SLC9A4: variants seen among roughly 807,000 people sequenced by gnomAD.
SLC9A4 encodes the protein solute carrier family 9 member A4, also known as sodium/hydrogen exchanger 4.
A neutral mutation model predicts 67.4 loss-of-function variants in SLC9A4; 63 were observed. That is an observed-to-expected ratio of 0.93 (90% CI 0.76 to 1.15). The LOEUF is 1.15. Among genes scored for constraint, SLC9A4 ranks in the 50% most tolerant of loss-of-function variants. The pLI, the probability that SLC9A4 is intolerant of heterozygous loss-of-function variation, is 0.00. For synonymous variants in SLC9A4, 393 were observed against 367.2 expected, an observed-to-expected ratio of 1.07 and a Z score of -0.80; for missense variants, 1,089 against 987.7, an observed-to-expected ratio of 1.10 and a Z score of -1.38.
At chr2:102,482,646 T>A (rs150586033) in intron 2 of SLC9A4, among the ~76,000 whole-genome samples, 28 of 152,228 alleles carry the variant, frequency 1.8e-4, no homozygotes, top group African/African-American at 6.5e-4. Flanking sequence ...CAGATCCAAG[T>A]TTTTTGGAGG....
At position 102,496,242 on chromosome 2, in the gene SLC9A4, TATACTC is replaced by T. The variant is rs777903606; in HGVS notation, c.721-7203_721-7198del. Among the ~76,000 whole-genome samples, 231 of 152,332 alleles carry T rather than the reference TATACTC, an allele frequency of 1.5e-3. 1 individual carries two copies. Among genetic ancestry groups the T allele is most frequent in the Non-Finnish European group, 2.8e-3 (190 of 68,026 alleles). ...TGAACAGATACACCATAAAAGATGA[TATACTC>T]ATGGTCAGTAAGCACATGAAAATAT... is the stretch of plus-strand genomic sequence containing the variant. On this transcript the variant is annotated intron_variant, in intron 2 of 11. Transcript: ENST00000295269.
At chr2:102,496,057 G>C (rs888973127) in intron 2 of SLC9A4, among the ~76,000 whole-genome samples, 2 of 151,964 alleles carry the variant, frequency 1.3e-5, no homozygotes, top group Non-Finnish European at 2.9e-5. Context: ...GAAAAAAAAT[G>C]CTCTTCAAAA....
At chr2:102,500,297 G>A (rs1179930338) in intron 2 of SLC9A4, among the ~76,000 whole-genome samples, 1 of 152,076 alleles carries the variant, frequency 6.6e-6, no homozygotes. Context: ...GGCAAGGAAG[G>A]GCCCTCCCCT....
At chr2:102,501,860 C>T (rs1232261244) in intron 2 of SLC9A4, among the ~76,000 whole-genome samples, 2 of 151,478 alleles carry the variant, frequency 1.3e-5, no homozygotes, top group African/African-American at 4.9e-5. Context: ...TTGGAGAGAT[C>T]AGAGTCAAGC....
chr2:102,492,428 A>G lies in SLC9A4; in HGVS notation c.721-11020A>G, dbSNP rs143067865. Among the ~76,000 whole-genome samples the G allele has an allele frequency of 3.4e-3, 523 of 152,372 alleles. 6 individuals are homozygous for G. Among genetic ancestry groups the G allele is most frequent in the African/African-American group, 0.011 (477 of 41,598 alleles). Reference sequence around the variant, plus strand: ...TCTAGGCAGAGGTTCCCAAACCTCAATTCTTGACTTCTGTGCACCCACAGG... The same window carrying G: ...TCTAGGCAGAGGTTCCCAAACCTCAGTTCTTGACTTCTGTGCACCCACAGG... On this transcript the variant is annotated intron_variant, in intron 2 of 11. Transcript: ENST00000295269.
chr2:102,522,704 TTG>T (rs1394276363), intron 9 of SLC9A4, among the ~76,000 whole-genome samples: 1 of 152,244 alleles, frequency 6.6e-6, no homozygotes, highest in East Asian at 1.9e-4. Flanking sequence ...TTCTTAATTC[TTG>T]TGTTATTTTT....
At chr2:102,521,269 C>A (rs1017091700) in intron 9 of SLC9A4, among the ~76,000 whole-genome samples, 2 of 152,178 alleles carry the variant, frequency 1.3e-5, no homozygotes, top group Admixed American at 6.5e-5. Context: ...AACTGCTCAT[C>A]CTTTCTTTTC....
In SLC9A4 at chr2:102,478,735, C is replaced by A. The variant is rs370884962; in HGVS notation, c.257-104C>A. ...CAGATGGGACGCTGAGGCTGAGATG[C>A]CAGTCAGCTTGTCCACGGTCCTGTC... On this transcript the variant is annotated intron_variant, in intron 1 of 11. Transcript: ENST00000295269. 9 of 1,121,808 alleles carry A rather than the reference C, an allele frequency of 8.0e-6. No homozygotes were observed. In the Middle Eastern group the frequency reaches 1.2e-3, roughly 146 times the overall value. 69.5% of individuals were successfully genotyped at this position (1,121,808 alleles called of 1,614,324 possible).
chr2:102,497,291 A>C (rs563598554), intron 2 of SLC9A4, among the ~76,000 whole-genome samples: 1 of 152,354 alleles, frequency 6.6e-6, no homozygotes, highest in South Asian at 2.1e-4. Context: ...CGTGTCTACC[A>C]TACTACCTAG....
chr2:102,530,207 T>G (rs943306781), intron 11 of SLC9A4, among the ~76,000 whole-genome samples: 4 of 152,168 alleles, frequency 2.6e-5, no homozygotes, highest in Non-Finnish European at 5.9e-5. Context: ...TCATCCTCTG[T>G]GTGTTGGGGC....
Position 102,505,354 on chromosome 2 carries a change from G to C in SLC9A4, c.1081G>C (p.Val361Leu), listed in dbSNP as rs561478238. ...IKYFMKMLSSVSETLIFIFMG... is the reference protein window; with the variant it reads ...IKYFMKMLSSLSETLIFIFMG... The stretch of plus-strand genomic sequence containing the variant: ...GTACTTCATGAAGATGCTGAGCAGC[G>C]TCAGCGAGACCTTGATCTTCATCTT... Residue 361 changes from valine to leucine, a missense_variant, in exon 4 of 12, where the codon GTC becomes CTC. Physicochemically the swap from Val to Leu is conservative, Grantham distance 32. Transcript: ENST00000295269. The C allele has an allele frequency of 2.8e-5, 46 of 1,614,088 alleles. No homozygotes were observed. The highest frequency in any genetic ancestry group is 3.9e-5 in the Non-Finnish European group (46 of 1,180,042).
intron 9 of SLC9A4, among the ~76,000 whole-genome samples, chr2:102,521,530 T>A (rs1051775306): frequency 6.6e-6 from 1 of 152,150 alleles, no homozygotes; most frequent in Non-Finnish European, 1.5e-5. Context: ...TTGACTCTGC[T>A]TTGCTTACTC....
At chr2:102,495,546 A>T (rs536819186) in intron 2 of SLC9A4, among the ~76,000 whole-genome samples, 1 of 152,280 alleles carries the variant, frequency 6.6e-6, no homozygotes, top group Admixed American at 6.5e-5. Context: ...AATGACCTAG[A>T]TTACATGAAG....
In SLC9A4 at chr2:102,519,844, C is replaced by T. The variant is rs746506693; in HGVS notation, c.1722-15C>T. 2 of 1,612,090 alleles carry T rather than the reference C, an allele frequency of 1.2e-6. No individual in the cohort carries two copies. The highest frequency in any genetic ancestry group is 1.3e-5 in the African/African-American group (1 of 74,958). ...GAAAGAATAATGTTTGTCTCTTCTC[C>T]AATAATGATTCCAGGGCCCAGAGGA... On this transcript the variant is annotated splice_polypyrimidine_tract_variant and intron_variant, in intron 8 of 11. Transcript: ENST00000295269.
At chr2:102,474,164 T>C in intron 1 of SLC9A4, 149 bp downstream of exon 1, 1 of 948,538 alleles carries the variant, frequency 1.1e-6, no homozygotes, top group Non-Finnish European at 1.5e-6. Flanking sequence ...GGGAAAGTCA[T>C]AACTGCATTT....
In SLC9A4 at chr2:102,503,486, T is replaced by C. The variant is rs1684985856; in HGVS notation, c.759T>C (p.His253=). Reference sequence around the variant, plus strand: ...TGTTAATTGCCTTTACAAAGATGCATAAATTTGAAGACATAGAAACTGTCG... The same window carrying C: ...TGTTAATTGCCTTTACAAAGATGCACAAATTTGAAGACATAGAAACTGTCG... The part of the protein sequence containing the change: ...YNMLIAFTKM[H]KFEDIETVDI... The change falls in exon 3 of 12, where the codon CAT becomes CAC. Residue 253 remains histidine, a synonymous_variant. Transcript: ENST00000295269. 4 of 1,613,172 alleles carry C rather than the reference T, an allele frequency of 2.5e-6. No individual in the cohort carries two copies. Among genetic ancestry groups the C allele is most frequent in the Non-Finnish European group, 3.4e-6 (4 of 1,179,292 alleles).
rs369337029 is a variant in SLC9A4 at position 102,478,934 on chromosome 2, G to A, written c.352G>A (p.Asp118Asn). ...ALVGGIIFGT[D>N]HKSPPVMDSS... ...GGTGGGCGGCATCATCTTCGGCACC[G>A]ACCACAAATCGCCTCCGGTCATGGA... is the stretch of plus-strand genomic sequence containing the variant. Residue 118 changes from aspartate to asparagine, a missense_variant, in exon 2 of 12, where the codon GAC becomes AAC. Coordinates refer to ENST00000295269, the MANE Select transcript of SLC9A4 (RefSeq NM_001011552.4). The A allele has an allele frequency of 1.2e-6, 2 of 1,613,948 alleles. No homozygotes were observed. Among genetic ancestry groups the A allele is most frequent in the Non-Finnish European group, 8.5e-7 (1 of 1,179,972 alleles).
At chr2:102,483,799 CATAT>C (rs61195337) in intron 2 of SLC9A4, among the ~76,000 whole-genome samples, 5,851 of 113,626 alleles carry the variant, frequency 0.051, 166 homozygotes, top group Admixed American at 0.07. Context: ...CCATGTACAG[CATAT>C]ATATATATAT....
intron 9 of SLC9A4, among the ~76,000 whole-genome samples, chr2:102,521,163 C>T (rs1685409087): frequency 6.6e-6 from 1 of 152,194 alleles, no homozygotes; most frequent in South Asian, 2.1e-4. Flanking sequence ...ACCTGGTACT[C>T]AGCCTTTTCC....
Sources: gnomAD v4.1 joint callset for allele counts (sites outside exome capture counted in the v4.1 genomes callset) on GRCh38, gnomAD v4.1.1 for gene constraint, MANE v1.5 for transcripts, NCBI Gene and HGNC (gene_info 2026-07-23, HGNC 2026-07-21) for gene names.